EVC2: variants seen among roughly 807,000 people sequenced by gnomAD.
EVC2 encodes the protein EvC ciliary complex subunit 2.
A neutral mutation model predicts 149.3 loss-of-function variants in EVC2; 148 were observed. The ratio of observed to expected loss-of-function variants is 0.99; its 90% CI spans 0.87 to 1.14. The LOEUF (loss-of-function observed/expected upper bound fraction) is 1.14. EVC2 is among the 50% of genes most tolerant of loss of function. The pLI is 0.00. For synonymous variants in EVC2, 776 were observed against 649.9 expected (o/e 1.19, Z -2.95); for missense variants, 1,854 against 1,627.3 (o/e 1.14, Z -2.40).
chr4:5,669,632 G>C (rs1360441262), intron 7 of EVC2, among the ~76,000 whole-genome samples: 2 of 152,188 alleles, frequency 1.3e-5, no homozygotes, highest in South Asian at 4.1e-4. Context: ...CTGTCTCCCT[G>C]CCTCCCTCCC....
chr4:5,559,501 G>A (rs1344992361), downstream of EVC2, among the ~76,000 whole-genome samples: 1 of 152,174 alleles, frequency 6.6e-6, no homozygotes, highest in Non-Finnish European at 1.5e-5. This position sits in a 1 kb window ranked among gnomAD's most constrained non-coding sequence, Gnocchi z 5.0. Flanking sequence ...ACTCCTTGGA[G>A]AAATGTCTGA....
Position 5,640,466 on chromosome 4 carries a change from T to A in EVC2, c.1470+48A>T. On this transcript the variant is annotated intron_variant, in intron 10 of 21. Transcript: ENST00000344408. The surrounding 1 kb of genome is among the most constrained non-coding windows in gnomAD (Gnocchi z 4.6). Reference sequence around the variant, plus strand: ...AGTGGGTAGATGGATAAATGACAAATCCCTGAGAGAAAGGGAAGTGAACGC... The same window carrying A: ...AGTGGGTAGATGGATAAATGACAAAACCCTGAGAGAAAGGGAAGTGAACGC... 6.2e-7 allele frequency: 1 copy of A among 1,610,238 alleles called. No homozygotes were observed. The highest frequency in any genetic ancestry group is 1.1e-5 in the South Asian group (1 of 91,004).
rs148918867 is a variant in EVC2, at chr4:5,635,915, G to A, written c.1471-3883C>T. Among the ~76,000 whole-genome samples, 1,207 of 152,230 alleles carry A rather than the reference G, an allele frequency of 7.9e-3. 8 individuals carry two copies. Among genetic ancestry groups the A allele is most frequent in the Non-Finnish European group, 0.012 (801 of 68,016 alleles). On this transcript the variant is annotated intron_variant, in intron 10 of 21. Coordinates refer to ENST00000344408, the MANE Select transcript of EVC2 (RefSeq NM_147127.5). ...CTGGATTGCCAGTCACTTCCCCTCC[G>A]GGCTTCGGTTTGCCCACCTTCAAGT...
intron 21 of EVC2, among the ~76,000 whole-genome samples, chr4:5,550,356 G>A (rs1213380365): frequency 2.0e-5 from 3 of 152,222 alleles, no homozygotes; most frequent in Non-Finnish European, 1.5e-5. Flanking sequence ...AGATGGAGAT[G>A]AGGAACCTGT....
chr4:5,674,338 GA>G (rs1191359413), intron 7 of EVC2, among the ~76,000 whole-genome samples: 1 of 152,178 alleles, frequency 6.6e-6, no homozygotes, highest in Non-Finnish European at 1.5e-5. Flanking sequence ...TGACTGCAAT[GA>G]TGTTGAGTTC....
chr4:5,695,807 A>G (rs1224785249), intron 2 of EVC2, among the ~76,000 whole-genome samples: 1 of 152,200 alleles, frequency 6.6e-6, no homozygotes, highest in African/African-American at 2.4e-5. Flanking sequence ...CTTACCCAGC[A>G]TATTGATGGT....
intron 21 of EVC2, among the ~76,000 whole-genome samples, chr4:5,548,312 C>T (rs1356054394): frequency 6.6e-6 from 1 of 151,330 alleles, no homozygotes; most frequent in Non-Finnish European, 1.5e-5. Flanking sequence ...CAAAACTTCT[C>T]TTCACCTGGA....
intron 19 of EVC2, among the ~76,000 whole-genome samples, chr4:5,573,443 C>T (rs1722747785): frequency 6.6e-6 from 1 of 152,100 alleles, no homozygotes; most frequent in Non-Finnish European, 1.5e-5. Flanking sequence ...AGAAAGGAGG[C>T]CATGAGCCAA....
intron 3 of EVC2, among the ~76,000 whole-genome samples, chr4:5,692,106 C>G (rs1721158772): frequency 6.6e-6 from 1 of 152,234 alleles, no homozygotes; most frequent in Admixed American, 6.5e-5. Context: ...CACCTGTCAC[C>G]TGCAGTGGAA....
chr4:5,624,765 C>T (rs1355779268), intron 13 of EVC2, among the ~76,000 whole-genome samples: 3 of 152,154 alleles, frequency 2.0e-5, no homozygotes, highest in Admixed American at 2.0e-4. Flanking sequence ...ATGGGGTATG[C>T]ATCAGTGATC....
chr4:5,683,199 C>T (rs116685586), intron 6 of EVC2, among the ~76,000 whole-genome samples: 1,723 of 152,334 alleles, frequency 0.011, 14 homozygotes, highest in Middle Eastern at 0.031. Flanking sequence ...GCATTCATTC[C>T]CTTGGCCTTT....
At position 5,569,160 on chromosome 4, in the gene EVC2, T is replaced by C. The variant is rs1043367069; in HGVS notation, c.3361-520A>G. ...CAGCCAGTCTCCAAAGGTCACGTGC[T>C]GCGTGATTCCATGCATGTAACCACC... On this transcript the variant is annotated intron_variant, in intron 19 of 21. Coordinates refer to ENST00000344408, the MANE Select transcript of EVC2 (RefSeq NM_147127.5). This position sits in a 1 kb window ranked among gnomAD's most constrained non-coding sequence, Gnocchi z 4.8. 6.6e-6 allele frequency among the ~76,000 whole-genome samples: 1 copy of C among 152,198 alleles called. No individual in the cohort carries two copies. Among genetic ancestry groups the C allele is most frequent in the African/African-American group, 2.4e-5 (1 of 41,458 alleles).
chr4:5,697,701 A>G (rs2151739661), intron 1 of EVC2, 54 bp from the exon 2 acceptor site: 1 of 1,484,552 alleles, frequency 6.7e-7, no homozygotes, highest in Admixed American at 1.7e-5. Flanking sequence ...CTGAGAAGTG[A>G]TAATAAATAA....
In EVC2 at chr4:5,565,345, C is replaced by A; in HGVS notation, c.3572G>T (p.Trp1191Leu). 1 of 1,614,052 alleles carries A rather than the reference C, an allele frequency of 6.2e-7. No individual in the cohort carries two copies. Among genetic ancestry groups the A allele is most frequent in the Non-Finnish European group, 8.5e-7 (1 of 1,179,984 alleles). The change falls in exon 21 of 22, where the codon TGG becomes TTG. Residue 1191 changes from tryptophan to leucine, a missense_variant. Coordinates refer to ENST00000344408, the MANE Select transcript of EVC2 (RefSeq NM_147127.5). ...DVGRRRKHQS[W>L]WQALDGKLRG... Reference sequence around the variant, plus strand: ...CAGTTTGCCATCTAAGGCTTGCCACCAGCTCTGGTGTTTCCTGCAGGCAAG... The same window carrying A: ...CAGTTTGCCATCTAAGGCTTGCCACAAGCTCTGGTGTTTCCTGCAGGCAAG...
chr4:5,650,882 A>C (rs1218897129), intron 9 of EVC2, among the ~76,000 whole-genome samples: 1 of 152,184 alleles, frequency 6.6e-6, no homozygotes. Flanking sequence ...CACACGAAGC[A>C]CTTAGCCCAG....
intron 9 of EVC2, among the ~76,000 whole-genome samples, chr4:5,650,636 TATAGAGAGAGAGAGAGAG>T (rs1227494412): frequency 1.8e-5 from 1 of 55,666 alleles, no homozygotes; most frequent in African/African-American, 6.7e-5. Context: ...TATATATATA[TATAGAGAGAGAGAGAGAG>T]AGAGAGAGAG....
At position 5,639,980 on chromosome 4, in the gene EVC2, C is replaced by T. The variant is rs372788042; in HGVS notation, c.1470+534G>A. ...TGCCTGAGAGACAGTAAGTAATCAA[C>T]ACATTTTTGCTAAATGAATTCTGGA... On this transcript the variant is annotated intron_variant, in intron 10 of 21. Transcript: ENST00000344408. Among the ~76,000 whole-genome samples, 9 of 152,264 alleles carry T rather than the reference C, an allele frequency of 5.9e-5. No homozygotes were observed. In the South Asian group the frequency reaches 8.3e-4, roughly 14 times the overall value.
At chr4:5,705,730 C>T (rs1393461986) in intron 1 of EVC2, among the ~76,000 whole-genome samples, 3 of 152,010 alleles carry the variant, frequency 2.0e-5, no homozygotes, top group African/African-American at 7.3e-5. Context: ...TTGGAAAACC[C>T]CATCGCACAA....
Position 5,681,241 on chromosome 4 carries a change from G to T in EVC2, c.870+19C>A. 6.2e-7 allele frequency: 1 copy of T among 1,614,140 alleles called. No homozygotes were observed. The highest frequency in any genetic ancestry group is 8.5e-7 in the Non-Finnish European group (1 of 1,179,968). ...ACAGGTGTGTCCTGAGGGTGCTCAG[G>T]GCATGTCATGTCTCTTACCGTTACG... is the stretch of plus-strand genomic sequence containing the variant. On this transcript the variant is annotated intron_variant, in intron 7 of 21. Coordinates refer to ENST00000344408, the MANE Select transcript of EVC2 (RefSeq NM_147127.5).
Sources: allele counts gnomAD v4.1 joint callset (sites outside exome capture counted in the v4.1 genomes callset), GRCh38; gene constraint gnomAD v4.1.1; non-coding constraint Gnocchi (gnomAD v3.1); transcripts MANE v1.5; gene names NCBI Gene and HGNC (gene_info 2026-07-23, HGNC 2026-07-21).